The following OR6J1 variants were observed in gnomAD, a reference collection of about 807,000 sequenced individuals.
The protein encoded by OR6J1 is olfactory receptor family 6 subfamily J member 1, also known as olfactory receptor 6J1.
For missense variants in OR6J1, 304 were observed against 166.8 expected (o/e 1.82, Z -4.53); for synonymous variants, 109 against 70.0 (o/e 1.56, Z -2.78).
Position 22,633,665 on chromosome 14 carries a change from A to C in OR6J1, c.*103T>G, listed in dbSNP as rs1445705937. 1.7e-6 allele frequency: 1 copy of C among 598,332 alleles called. No homozygotes were observed. Among genetic ancestry groups the C allele is most frequent in the Non-Finnish European group, 3.0e-6 (1 of 337,412 alleles). 37.1% of individuals were successfully genotyped at this position (598,332 alleles called of 1,614,324 possible). ...CGGTCACAGATTAAAGTGAAAACCA[A>C]GGCCAGCGTTCAAGTCTCTGTCTCC... On this transcript the variant is annotated 3_prime_UTR_variant, in exon 2 of 2. Transcript: ENST00000540461.
Position 22,634,541 on chromosome 14 carries a change from T to C in OR6J1, c.271A>G (p.Ile91Val). The C allele has an allele frequency of 2.8e-6, 2 of 704,726 alleles. No homozygotes were observed. Among genetic ancestry groups the C allele is most frequent in the South Asian group, 1.5e-5 (1 of 67,538 alleles). 43.7% of individuals were successfully genotyped at this position (704,726 alleles called of 1,614,324 possible). The change falls in exon 2 of 2, where the codon ATC becomes GTC. Residue 91 changes from isoleucine to valine, a missense_variant. By Grantham distance (29) the Ile-to-Val change is conservative. Coordinates refer to ENST00000540461, the MANE Select transcript of OR6J1 (RefSeq NM_001348233.2). ...LANLGSRDKT[I>V]SFAGCITQCY... ...TGGGTGATACATCCGGCAAAGGAGA[T>C]GGTTTTATCCCTAGATCCTAAGTTG... is the stretch of plus-strand genomic sequence containing the variant.
rs1566397555 is a variant in OR6J1, at chr14:22,641,209, A to AGAAAGAAAG, written c.-28+2888_-28+2889insCTTTCTTTC. ...AAGAGAGACAGAGAGGGAGAGAAAGATAAGAAAGAAAGAAAGAAAGAAAGA... is the reference window on the plus strand; with the variant it reads ...AAGAGAGACAGAGAGGGAGAGAAAGAGAAAGAAAGTAAGAAAGAAAGAAAGAAAGAAAGA... On this transcript the variant is annotated intron_variant, in intron 1 of 1. Transcript: ENST00000540461. Among the ~76,000 whole-genome samples, 32 of 18,704 alleles carry AGAAAGAAAG rather than the reference A, an allele frequency of 1.7e-3. 5 individuals are homozygous for AGAAAGAAAG. Among genetic ancestry groups the AGAAAGAAAG allele is most frequent in the African/African-American group, 2.7e-3 (6 of 2,216 alleles). The allele number at this position is 18,704 out of a possible 152,430, so 12.3% of individuals were successfully genotyped here.
chr14:22,643,756 C>CAG lies in OR6J1; in HGVS notation c.-28+341_-28+342insCT, dbSNP rs1193688098. On this transcript the variant is annotated intron_variant, in intron 1 of 1. Transcript: ENST00000540461. ...ACACACACACACACACACACACACACACACACACAGAGAGAGAGAGAGAGA... is the reference window on the plus strand; with the variant it reads ...ACACACACACACACACACACACACACAGACACACACAGAGAGAGAGAGAGAGA... Among the ~76,000 whole-genome samples, 477 of 72,924 alleles carry CAG rather than the reference C, an allele frequency of 6.5e-3. 1 individual carries two copies. Among genetic ancestry groups the CAG allele is most frequent in the Middle Eastern group, 0.011 (2 of 174 alleles). The allele number at this position is 72,924 out of a possible 152,430, so 47.8% of individuals were successfully genotyped here.
In OR6J1 at chr14:22,633,854, T is replaced by A. The variant is rs1450602136; in HGVS notation, c.958A>T (p.Arg320Ter). 5.7e-6 allele frequency: 4 copies of A among 702,810 alleles called. No homozygotes were observed. The South Asian group carries it at 5.9e-5, about 10-fold the overall frequency. 43.5% of individuals were successfully genotyped at this position (702,810 alleles called of 1,614,324 possible). Reference sequence around the variant, plus strand: ...TCTTTGTTGGAGGATAATCTGCTTCTCAGCACTGCCCTCATCCTCTTTTCA... The same window carrying A: ...TCTTTGTTGGAGGATAATCTGCTTCACAGCACTGCCCTCATCCTCTTTTCA... ...VFEKRMRAVL[R>*]SRLSSNKDHQ... Residue 320 changes from arginine to a stop codon, truncating the protein, a stop_gained, in exon 2 of 2, where the codon AGA (arginine) becomes TGA (stop). Coordinates refer to ENST00000540461, the MANE Select transcript of OR6J1 (RefSeq NM_001348233.2). LOFTEE classifies it low-confidence loss of function (END_TRUNC).
chr14:22,633,914 G>A lies in OR6J1; in HGVS notation c.898C>T (p.Leu300Phe). 1.4e-6 allele frequency: 1 copy of A among 702,910 alleles called. No homozygotes were observed. The highest frequency in any genetic ancestry group is 2.6e-6 in the Non-Finnish European group (1 of 384,864). The allele number at this position is 702,910 out of a possible 1,614,324, so 43.5% of individuals were successfully genotyped here. A position where few individuals can be genotyped will look rare whatever the true frequency, so the allele number is the denominator to read the frequency against. ...CGAACCCTGACCCACACATCCCTGAGGACTCCCTGCACTGTGTCATTCCTC... is the reference window on the plus strand; with the variant it reads ...CGAACCCTGACCCACACATCCCTGAAGACTCCCTGCACTGTGTCATTCCTC... ...TLRNDTVQGV[L>F]RDVWVRVRGV... Residue 300 changes from leucine to phenylalanine, a missense_variant, in exon 2 of 2, where the codon CTC becomes TTC. Leu to Phe is a conservative substitution (Grantham distance 22). Coordinates refer to ENST00000540461, the MANE Select transcript of OR6J1 (RefSeq NM_001348233.2).
In OR6J1 at chr14:22,640,331, G is replaced by A. The variant is rs1316295032; in HGVS notation, c.-28+3767C>T. Reference sequence around the variant, plus strand: ...GGAGAGGGGAGGAGAGGAGAGGAGGGTAGAGGGGATGGGAGGAAAGGAGGA... The same window carrying A: ...GGAGAGGGGAGGAGAGGAGAGGAGGATAGAGGGGATGGGAGGAAAGGAGGA... On this transcript the variant is annotated intron_variant, in intron 1 of 1. Transcript: ENST00000540461. Among the ~76,000 whole-genome samples, 8 of 132,302 alleles carry A rather than the reference G, an allele frequency of 6.0e-5. No individual in the cohort carries two copies. In the East Asian group the frequency reaches 9.0e-4, roughly 15 times the overall value. 86.8% of individuals were successfully genotyped at this position (132,302 alleles called of 152,430 possible). A position where few individuals can be genotyped will look rare whatever the true frequency, so the allele number is the denominator to read the frequency against.
In OR6J1 at chr14:22,634,769, C is replaced by G. The variant is rs1355696713; in HGVS notation, c.43G>C (p.Gly15Arg). 5 of 702,410 alleles carry G rather than the reference C, an allele frequency of 7.1e-6. No homozygotes were observed. The highest frequency in any genetic ancestry group is 1.0e-5 in the Non-Finnish European group (4 of 384,382). The allele number at this position is 702,410 out of a possible 1,614,324, so 43.5% of individuals were successfully genotyped here. A position where few individuals can be genotyped will look rare whatever the true frequency, so the allele number is the denominator to read the frequency against. ...TCCACCTCCCTGCTCAGGGAAAACC[C>G]CAGCAGAACAAACTCAGTCACCGCT... is the stretch of plus-strand genomic sequence containing the variant. ...TAAVTEFVLL[G>R]FSLSREVELL... The change falls in exon 2 of 2, where the codon GGG becomes CGG. Residue 15 changes from glycine (G) to arginine (R), a missense_variant. Transcript: ENST00000540461.
intron 1 of OR6J1, among the ~76,000 whole-genome samples, chr14:22,642,176 C>T (rs2037657391): frequency 6.6e-6 from 1 of 151,820 alleles, no homozygotes; most frequent in South Asian, 2.1e-4. Context: ...TTTGCATTGC[C>T]AAGGATCTTT....
chr14:22,630,973 A>G lies in OR6J1; in HGVS notation c.*2795T>C, dbSNP rs1279531410. ...GCCGGGGGAGACATCACATGTCACTAGGTTCCATGATGCCCCCCAAGCCAC... is the reference window on the plus strand; with the variant it reads ...GCCGGGGGAGACATCACATGTCACTGGGTTCCATGATGCCCCCCAAGCCAC... On this transcript the variant is annotated 3_prime_UTR_variant, in exon 2 of 2. Coordinates refer to ENST00000540461, the MANE Select transcript of OR6J1 (RefSeq NM_001348233.2). The G allele has an allele frequency of 6.6e-6, 1 of 152,174 alleles. No homozygotes were observed. The highest frequency in any genetic ancestry group is 1.5e-5 in the Non-Finnish European group (1 of 68,028). The allele number at this position is 152,174 out of a possible 1,614,324, so 9.4% of individuals were successfully genotyped here.
intron 1 of OR6J1, among the ~76,000 whole-genome samples, chr14:22,638,881 C>T (rs1410525204): frequency 2.1e-5 from 2 of 95,670 alleles, no homozygotes; most frequent in African/African-American, 5.2e-5. Context: ...AAGTGAGGAG[C>T]GCCTCTTCCC....
In OR6J1 at chr14:22,633,829, T is replaced by A. The variant is rs1160939723; in HGVS notation, c.983A>T (p.Asp328Val). The A allele has an allele frequency of 5.7e-6, 4 of 702,318 alleles. No individual in the cohort carries two copies. In the South Asian group the frequency reaches 5.9e-5, roughly 10 times the overall value. The allele number at this position is 702,318 out of a possible 1,614,324, so 43.5% of individuals were successfully genotyped here. ...VLRSRLSSNK[D>V]HQGRACSSPP... The stretch of plus-strand genomic sequence containing the variant: ...AGAAGAGCAAGCCCTTCCTTGGTGG[T>A]CTTTGTTGGAGGATAATCTGCTTCT... The change falls in exon 2 of 2, where the codon GAC becomes GTC. Residue 328 changes from aspartate to valine, a missense_variant. Transcript: ENST00000540461.
intron 1 of OR6J1, among the ~76,000 whole-genome samples, chr14:22,636,766 G>A (rs1238180730): frequency 0.031 from 3,526 of 112,688 alleles, 16 homozygotes; most frequent in Middle Eastern, 0.046. Context: ...GCTCGCTACA[G>A]CCTCCACCTC....
At chr14:22,636,987 G>A (rs1362270997) in intron 1 of OR6J1, among the ~76,000 whole-genome samples, 3 of 126,796 alleles carry the variant, frequency 2.4e-5, no homozygotes, top group South Asian at 2.3e-4. Context: ...CTTCCCGGCC[G>A]CCTTCCCATC....
rs1018768876 is a variant in OR6J1 at position 22,638,790 on chromosome 14, T to G, written c.-27-3952A>C. ...ATGTGGAGACTTAAAAAATTTACAC[T>G]GCTAGGTGAGGAGCCCCTCTGCCTG... is the stretch of plus-strand genomic sequence containing the variant. On this transcript the variant is annotated intron_variant, in intron 1 of 1. Transcript: ENST00000540461. Among the ~76,000 whole-genome samples the G allele has an allele frequency of 4.1e-5, 6 of 144,972 alleles. 2 individuals carry two copies. Among genetic ancestry groups the G allele is most frequent in the African/African-American group, 1.6e-4 (6 of 37,354 alleles).
rs1466950724 is a variant in OR6J1, at chr14:22,643,764, C to CACACACACAGAGAGAGAGAG, written c.-28+333_-28+334insCTCTCTCTCTCTGTGTGTGT. Among the ~76,000 whole-genome samples the CACACACACAGAGAGAGAGAG allele has an allele frequency of 2.4e-3, 92 of 37,688 alleles. 1 individual carries two copies. Among genetic ancestry groups the CACACACACAGAGAGAGAGAG allele is most frequent in the Non-Finnish European group, 3.5e-3 (69 of 19,704 alleles). 24.7% of individuals were successfully genotyped at this position (37,688 alleles called of 152,430 possible). ...ACACACACACACACACACACACACACAGAGAGAGAGAGAGAGAGAGAGAGA... is the reference window on the plus strand; with the variant it reads ...ACACACACACACACACACACACACACACACACACAGAGAGAGAGAGAGAGAGAGAGAGAGAGAGAGAGAGA... On this transcript the variant is annotated intron_variant, in intron 1 of 1. Transcript: ENST00000540461.
chr14:22,634,184 T>C lies in OR6J1; in HGVS notation c.628A>G (p.Ile210Val), dbSNP rs1246568117. The change falls in exon 2 of 2, where the codon ATA (isoleucine) becomes GTA (valine). Residue 210 changes from isoleucine to valine, a missense_variant. Coordinates refer to ENST00000540461, the MANE Select transcript of OR6J1 (RefSeq NM_001348233.2). ...MLSSMVILCC[I>V]VLVAYSYTYI... The stretch of plus-strand genomic sequence containing the variant: ...GTATAGGAATAGGCCACGAGGACTA[T>C]GCAGCAGAGGATGACCATGGAAGAA... 1 of 703,498 alleles carries C rather than the reference T, an allele frequency of 1.4e-6. No homozygotes were observed. 43.6% of individuals were successfully genotyped at this position (703,498 alleles called of 1,614,324 possible).
At chr14:22,634,928 T>C (rs2139291492) in intron 1 of OR6J1, 90 bp from the exon 2 acceptor site, 4 of 585,950 alleles carry the variant, frequency 6.8e-6, no homozygotes, top group African/African-American at 5.6e-5. Context: ...ACATAGAACA[T>C]GATGACTGCC....
chr14:22,644,207 A>C lies in OR6J1; in HGVS notation c.-137T>G, dbSNP rs943907239. 3 of 152,310 alleles carry C rather than the reference A, an allele frequency of 2.0e-5. No homozygotes were observed. The highest frequency in any genetic ancestry group is 7.2e-5 in the African/African-American group (3 of 41,472). 9.4% of individuals were successfully genotyped at this position (152,310 alleles called of 1,614,324 possible). A position where few individuals can be genotyped will look rare whatever the true frequency, so the allele number is the denominator to read the frequency against. Reference sequence around the variant, plus strand: ...TATCTTGACCAAAAAGCCACAGTGCATTCCACATGAGAGCAGCAGTGTTTG... The same window carrying C: ...TATCTTGACCAAAAAGCCACAGTGCCTTCCACATGAGAGCAGCAGTGTTTG... On this transcript the variant is annotated 5_prime_UTR_variant, in exon 1 of 2. An upstream start codon of the reference 5' UTR is lost. Coordinates refer to ENST00000540461, the MANE Select transcript of OR6J1 (RefSeq NM_001348233.2).
At chr14:22,641,610 T>C (rs2037653940) in intron 1 of OR6J1, among the ~76,000 whole-genome samples, 1 of 151,990 alleles carries the variant, frequency 6.6e-6, no homozygotes, top group African/African-American at 2.4e-5. Context: ...GATATATATA[T>C]ATATACATAG....
Sources: allele counts gnomAD v4.1 joint callset (sites outside exome capture counted in the v4.1 genomes callset), GRCh38; gene constraint gnomAD v4.1.1; transcripts MANE v1.5; gene names NCBI Gene and HGNC (gene_info 2026-07-23, HGNC 2026-07-21).